The following ARHGAP23 variants were observed in gnomAD, a reference collection of about 807,000 sequenced individuals.
The protein encoded by ARHGAP23 is rho GTPase-activating protein 23.
Under a neutral mutation model 136.3 loss-of-function variants are expected in ARHGAP23, and 34 were observed. That is an observed-to-expected ratio of 0.25 (90% CI 0.19 to 0.33). The LOEUF (loss-of-function observed/expected upper bound fraction) is 0.33. ARHGAP23 is among the 10% of genes least tolerant of loss of function. The pLI is 1.00. For synonymous variants in ARHGAP23, 832 were observed against 920.5 expected, an observed-to-expected ratio of 0.90 and a Z score of 1.74; for missense variants, 1,808 against 2,139.0, an observed-to-expected ratio of 0.85 and a Z score of 3.05.
At chr17:38,497,152 T>C (rs1030642615) in intron 20 of ARHGAP23, among the ~76,000 whole-genome samples, 20 of 152,346 alleles carry the variant, frequency 1.3e-4, no homozygotes, top group African/African-American at 4.6e-4. Context: ...ACTTAGAATT[T>C]TATCTTCAAG....
chr17:38,490,603 T>C, intron 19 of ARHGAP23, 52 bp downstream of exon 19: 1 of 1,399,428 alleles, frequency 7.1e-7, no homozygotes, highest in Non-Finnish European at 9.9e-7. Context: ...GGACTTACTG[T>C]GTGAGGGCCC....
chr17:38,495,683 C>T (rs1887089740), intron 20 of ARHGAP23, among the ~76,000 whole-genome samples: 1 of 152,156 alleles, frequency 6.6e-6, no homozygotes, highest in Admixed American at 6.6e-5. Context: ...AGGCAAGTCC[C>T]CTTGTTTCCC....
chr17:38,481,026 C>T (rs2040026623), intron 14 of ARHGAP23, among the ~76,000 whole-genome samples: 1 of 152,038 alleles, frequency 6.6e-6, no homozygotes. Context: ...CATTCTGTCA[C>T]TCAGGCTGGA....
At chr17:38,485,082 G>T (rs1266256856) in intron 16 of ARHGAP23, among the ~76,000 whole-genome samples, 1 of 152,148 alleles carries the variant, frequency 6.6e-6, no homozygotes, top group Admixed American at 6.5e-5. Context: ...CAACGACCCG[G>T]CCGTTAGTTC....
intron 3 of ARHGAP23, among the ~76,000 whole-genome samples, chr17:38,461,756 T>C (rs1258813249): frequency 2.6e-5 from 4 of 152,040 alleles, no homozygotes; most frequent in African/African-American, 9.7e-5. Flanking sequence ...GTATTAGGTG[T>C]CTTGCTGGGT....
In ARHGAP23 at chr17:38,466,893, C is replaced by A; in HGVS notation, c.1210C>A (p.Pro404Thr). The part of the protein sequence containing the change: ...TRDLPGPQAP[P>T]PSGLQGLDDL... ...GGACCTGCCAGGGCCCCAGGCCCCA[C>A]CCCCGTCTGGCCTGCAGGGCCTGGA... is the stretch of plus-strand genomic sequence containing the variant. The change falls in exon 7 of 24, where the codon CCC (proline) becomes ACC (threonine). Residue 404 changes from proline to threonine, a missense_variant. Transcript: ENST00000622683. 1 of 1,550,208 alleles carries A rather than the reference C, an allele frequency of 6.5e-7. No individual in the cohort carries two copies. The highest frequency in any genetic ancestry group is 8.7e-7 in the Non-Finnish European group (1 of 1,146,886).
intron 1 of ARHGAP23, among the ~76,000 whole-genome samples, chr17:38,442,955 G>A (rs2038951743): frequency 6.6e-6 from 1 of 152,222 alleles, no homozygotes; most frequent in African/African-American, 2.4e-5. Context: ...CTACTCCGAT[G>A]GGGGGATGGA....
At chr17:38,498,199 G>A (rs758978247) in intron 21 of ARHGAP23, among the ~76,000 whole-genome samples, 10 of 152,146 alleles carry the variant, frequency 6.6e-5, no homozygotes, top group African/African-American at 9.7e-5. Flanking sequence ...TGGCCTTCGC[G>A]GTTCCCAGGT....
In ARHGAP23 at chr17:38,470,032, C is replaced by T. The variant is rs112299835; in HGVS notation, c.1974+128C>T. 6.1e-5 allele frequency: 73 copies of T among 1,196,052 alleles called. 3 individuals carry two copies. The highest frequency in any genetic ancestry group is 5.0e-4 in the African/African-American group (33 of 66,174). The allele number at this position is 1,196,052 out of a possible 1,614,324, so 74.1% of individuals were successfully genotyped here. A position where few individuals can be genotyped will look rare whatever the true frequency, so the allele number is the denominator to read the frequency against. ...GCTCCTGCCTTCCTCCTCCTCCCTG[C>T]ACCCCTCACCCTCGTGTCCACCGCG... On this transcript the variant is annotated intron_variant, in intron 10 of 23. Coordinates refer to ENST00000622683, the MANE Select transcript of ARHGAP23 (RefSeq NM_001199417.2).
chr17:38,443,660 G>C (rs2038966828), intron 1 of ARHGAP23, among the ~76,000 whole-genome samples: 1 of 150,824 alleles, frequency 6.6e-6, no homozygotes. Flanking sequence ...GGAAGGCAGG[G>C]GTAACCGGGA....
intron 1 of ARHGAP23, among the ~76,000 whole-genome samples, chr17:38,442,851 T>C (rs368806845): frequency 6.6e-6 from 1 of 152,036 alleles, no homozygotes; most frequent in East Asian, 1.9e-4. Context: ...ATAATCAATC[T>C]GGACTGTCAG....
intron 23 of ARHGAP23, among the ~76,000 whole-genome samples, chr17:38,503,653 C>T (rs1395083362): frequency 6.6e-6 from 1 of 152,330 alleles, no homozygotes; most frequent in African/African-American, 2.4e-5. Context: ...CTCCCGGAAG[C>T]CTCCTGGCTT....
chr17:38,458,194 C>T lies in ARHGAP23; in HGVS notation c.156C>T (p.Asp52=), dbSNP rs1401481884. The part of the protein sequence containing the change: ...RTLLLYKSPQ[D]GFGFTLRHFI... The stretch of plus-strand genomic sequence containing the variant: ...TGCTGCTGTACAAAAGTCCCCAGGA[C>T]GGCTTTGGCTTCACTCTGCGCCACT... Residue 52 remains aspartate, a synonymous_variant, in exon 2 of 24, where the codon GAC becomes GAT. Transcript: ENST00000622683. 2.4e-5 allele frequency: 37 copies of T among 1,535,986 alleles called. No homozygotes were observed. The highest frequency in any genetic ancestry group is 3.9e-5 in the Admixed American group (2 of 50,958).
chr17:38,420,695 G>A (rs555533309), intron 1 of ARHGAP23, among the ~76,000 whole-genome samples: 1 of 152,296 alleles, frequency 6.6e-6, no homozygotes, highest in East Asian at 1.9e-4. Context: ...CTGGGTGTGA[G>A]TCTGGGGCGG....
chr17:38,480,796 C>T (rs1179445395), intron 14 of ARHGAP23, among the ~76,000 whole-genome samples: 1 of 143,942 alleles, frequency 6.9e-6, no homozygotes. Context: ...AGAGTGAGAC[C>T]CTGTCTCAAA....
chr17:38,444,838 A>G (rs547439226), intron 1 of ARHGAP23, among the ~76,000 whole-genome samples: 2 of 150,206 alleles, frequency 1.3e-5, no homozygotes, highest in African/African-American at 2.4e-5. Flanking sequence ...TTTTTTTGAG[A>G]CAGAGTTTTG....
chr17:38,460,177 G>T (rs2039424030), intron 2 of ARHGAP23, among the ~76,000 whole-genome samples: 1 of 152,150 alleles, frequency 6.6e-6, no homozygotes. Flanking sequence ...CCTACCAGGT[G>T]ATCCCAGAGG....
chr17:38,483,147 T>C (rs1187540765), intron 16 of ARHGAP23, among the ~76,000 whole-genome samples: 2 of 152,130 alleles, frequency 1.3e-5, no homozygotes, highest in Admixed American at 6.5e-5. Context: ...TCCTCCTCCT[T>C]CTCTTCCTAA....
intron 1 of ARHGAP23, chr17:38,453,752 G>T (rs1218687651): frequency 6.8e-6 from 1 of 147,588 alleles, no homozygotes; most frequent in Admixed American, 6.7e-5. Context: ...CCGTCCGCGC[G>T]GGCCGTCCGT....
Sources: allele counts gnomAD v4.1 joint callset (sites outside exome capture counted in the v4.1 genomes callset), GRCh38; gene constraint gnomAD v4.1.1; transcripts MANE v1.5; gene names NCBI Gene and HGNC (gene_info 2026-07-23, HGNC 2026-07-21).